Variants in CADM2 observed in about 807,000 individuals in gnomAD.
CADM2 encodes the protein cell adhesion molecule 2.
CADM2 carries 12 observed loss-of-function variants against 49.8 expected under a neutral mutation model. The observed-to-expected ratio is 0.24, with a 90% confidence interval of 0.15 to 0.39. CADM2 has a LOEUF of 0.39. Ranked by LOEUF, CADM2 falls within the 10% of genes least tolerant of loss-of-function variation. The pLI is 1.00. For missense variants in CADM2, 378 were observed against 492.3 expected (o/e 0.77, Z 2.20); for synonymous variants, 214 against 175.4 (o/e 1.22, Z -1.74).
chr3:85,293,509 C>A (rs2043863437), intron 1 of CADM2, among the ~76,000 whole-genome samples: 1 of 136,732 alleles, frequency 7.3e-6, no homozygotes, highest in Middle Eastern at 3.7e-3. Flanking sequence ...AGACCAATAT[C>A]CTTGATGAAC....
intron 8 of CADM2, among the ~76,000 whole-genome samples, chr3:86,041,105 C>A (rs187974525): frequency 1.3e-5 from 2 of 152,074 alleles, no homozygotes; most frequent in Non-Finnish European, 2.9e-5. Flanking sequence ...AAGGAACAAC[C>A]GGTACCAGCC....
chr3:85,579,084 A>C (rs2062722751), intron 1 of CADM2, among the ~76,000 whole-genome samples: 1 of 152,208 alleles, frequency 6.6e-6, no homozygotes, highest in African/African-American at 2.4e-5. Flanking sequence ...AAATAAATAA[A>C]AGATTTTCTA....
At chr3:85,876,272 T>A (rs1289887629) in intron 3 of CADM2, among the ~76,000 whole-genome samples, 1 of 152,174 alleles carries the variant, frequency 6.6e-6, no homozygotes, top group Non-Finnish European at 1.5e-5. Context: ...CTATAAAATA[T>A]AATGAATTAT....
intron 1 of CADM2, among the ~76,000 whole-genome samples, chr3:85,515,436 T>A (rs1576695663): frequency 8.0e-6 from 1 of 125,328 alleles, no homozygotes; most frequent in African/African-American, 2.6e-5. Flanking sequence ...TTTTTTTTTT[T>A]ATTATTATAT....
chr3:85,794,054 T>C (rs1214605531), intron 2 of CADM2, among the ~76,000 whole-genome samples: 1 of 152,100 alleles, frequency 6.6e-6, no homozygotes, highest in Non-Finnish European at 1.5e-5. Flanking sequence ...ATTTTAGGGG[T>C]TTAATAGTCA....
chr3:85,221,055 G>A (rs1559728165), intron 1 of CADM2, among the ~76,000 whole-genome samples: 1 of 152,140 alleles, frequency 6.6e-6, no homozygotes, highest in Non-Finnish European at 1.5e-5. Context: ...CCAGAGTAAA[G>A]AATCGGATGA....
rs1241356258 is a variant in CADM2, at chr3:85,716,508, C to T, written c.62-10014C>T. 2.6e-5 allele frequency among the ~76,000 whole-genome samples: 4 copies of T among 152,256 alleles called. No homozygotes were observed. The East Asian group carries it at 7.7e-4, about 29-fold the overall frequency. On this transcript the variant is annotated intron_variant, in intron 1 of 9. Transcript: ENST00000383699. The stretch of plus-strand genomic sequence containing the variant: ...TGCTCTTCAGAAGTTCTTTCATTTA[C>T]TTAGATCCCATTTGTCAATGTTGTC...
intron 8 of CADM2, among the ~76,000 whole-genome samples, chr3:86,031,383 C>G (rs1019637066): frequency 1.3e-5 from 2 of 151,758 alleles, no homozygotes; most frequent in Non-Finnish European, 1.5e-5. Context: ...ATGTGATTAT[C>G]TAGGCTTTCA....
intron 1 of CADM2, among the ~76,000 whole-genome samples, chr3:85,315,831 C>A (rs1380138841): frequency 2.0e-5 from 3 of 151,998 alleles, no homozygotes; most frequent in Non-Finnish European, 4.4e-5. Flanking sequence ...TAATATATTT[C>A]TTCTTAAATT....
chr3:85,527,873 A>T (rs1335580724), intron 1 of CADM2, among the ~76,000 whole-genome samples: 1 of 152,136 alleles, frequency 6.6e-6, no homozygotes. Flanking sequence ...TTCTCCAAAG[A>T]GTAGTATTTT....
intron 1 of CADM2, among the ~76,000 whole-genome samples, chr3:85,214,397 A>T (rs1278181207): frequency 6.6e-6 from 1 of 152,102 alleles, no homozygotes; most frequent in Non-Finnish European, 1.5e-5. Flanking sequence ...GAACCAGAAC[A>T]GCACTGGGTT....
chr3:85,879,078 T>G, intron 3 of CADM2, among the ~76,000 whole-genome samples: 1 of 150,606 alleles, frequency 6.6e-6, no homozygotes, highest in South Asian at 2.1e-4. Context: ...TATAAATACA[T>G]ATATTTATAT....
At chr3:85,842,141 G>A (rs914207497) in intron 3 of CADM2, among the ~76,000 whole-genome samples, 7 of 151,986 alleles carry the variant, frequency 4.6e-5, no homozygotes, top group Admixed American at 6.6e-5. Context: ...ATGAACTCTC[G>A]TGATTAGTTT....
chr3:85,414,529 C>T (rs1369989013), intron 1 of CADM2, among the ~76,000 whole-genome samples: 1 of 152,120 alleles, frequency 6.6e-6, no homozygotes, highest in Admixed American at 6.6e-5. Context: ...CTCTCTCTTT[C>T]AACCAATACA....
chr3:85,847,927 G>A (rs764709362), intron 3 of CADM2, among the ~76,000 whole-genome samples: 1 of 151,900 alleles, frequency 6.6e-6, no homozygotes, highest in South Asian at 2.1e-4. Flanking sequence ...TCTTGTATTA[G>A]GATGTCTTAT....
chr3:85,641,834 G>A (rs1200495059), intron 1 of CADM2, among the ~76,000 whole-genome samples: 3 of 152,028 alleles, frequency 2.0e-5, no homozygotes, highest in Non-Finnish European at 2.9e-5. Context: ...GGGAGGCTGA[G>A]GCAGAAGAAT....
In CADM2 at chr3:85,026,077, A is replaced by T. The variant is rs144835459; in HGVS notation, c.61+66409A>T. ...ACTAAATAACCAGCAAATGAAGCTC[A>T]TTTTAAGTCAAACTCAAGACTTTTG... On this transcript the variant is annotated intron_variant, in intron 1 of 9. Coordinates refer to ENST00000383699, the MANE Select transcript of CADM2 (RefSeq NM_001167675.2). 2.8e-3 allele frequency among the ~76,000 whole-genome samples: 432 copies of T among 152,330 alleles called. 6 individuals are homozygous for T. Among genetic ancestry groups the T allele is most frequent in the African/African-American group, 0.01 (423 of 41,588 alleles).
At chr3:85,662,395 A>G (rs911360507) in intron 1 of CADM2, among the ~76,000 whole-genome samples, 1 of 152,012 alleles carries the variant, frequency 6.6e-6, no homozygotes, top group African/African-American at 2.4e-5. Context: ...CTAAAATGAT[A>G]TCTTTGCCTT....
intron 1 of CADM2, among the ~76,000 whole-genome samples, chr3:85,013,876 A>G (rs2034116060): frequency 1.4e-5 from 2 of 147,238 alleles, no homozygotes; most frequent in South Asian, 2.1e-4. Flanking sequence ...ATTAATTATA[A>G]TTAATTAATA....
Sources: gnomAD v4.1 joint callset for allele counts (sites outside exome capture counted in the v4.1 genomes callset) on GRCh38, gnomAD v4.1.1 for gene constraint, MANE v1.5 for transcripts, NCBI Gene and HGNC (gene_info 2026-07-23, HGNC 2026-07-21) for gene names.